The following DST variants were observed in gnomAD, a reference collection of about 807,000 sequenced individuals.
The protein encoded by DST is bullous pemphigoid antigen.
In DST, 253 loss-of-function variants were observed where a neutral mutation model predicts 875.2. The ratio of observed to expected loss-of-function variants is 0.29; its 90% CI spans 0.26 to 0.32. DST has a LOEUF of 0.32. DST is among the 10% of genes least tolerant of loss of function. DST has a pLI of 1.00. For synonymous variants in DST, 3,124 were observed against 3,197.1 expected (o/e 0.98, Z 0.77); for missense variants, 8,287 against 9,111.6 (o/e 0.91, Z 3.68).
In DST at chr6:56,611,614, C is replaced by T. The variant is rs751293562; in HGVS notation, c.5059-18G>A. 3.3e-6 allele frequency: 5 copies of T among 1,502,844 alleles called. No individual in the cohort carries two copies. The highest frequency in any genetic ancestry group is 1.4e-5 in the African/African-American group (1 of 72,396). The allele number at this position is 1,502,844 out of a possible 1,614,324, so 93.1% of individuals were successfully genotyped here. A position where few individuals can be genotyped will look rare whatever the true frequency, so the allele number is the denominator to read the frequency against. ...CTGGAAATCTGTAAGGTAAAGAAGG[C>T]ACATTCAAACTCTTCCTCCAAAAGG... is the stretch of plus-strand genomic sequence containing the variant. On this transcript the variant is annotated intron_variant, in intron 37 of 103. Coordinates refer to ENST00000680361, the MANE Select transcript of DST (RefSeq NM_001374736.1).
intron 5 of DST, among the ~76,000 whole-genome samples, chr6:56,734,209 G>A (rs531530954): frequency 3.9e-5 from 6 of 152,262 alleles, no homozygotes; most frequent in South Asian, 2.1e-4. Context: ...CAACCAGAGA[G>A]TGCGTGATGT....
rs2099576666 is a variant in DST at position 56,747,680 on chromosome 6, A to T, written c.626-12391T>A. On this transcript the variant is annotated intron_variant, in intron 4 of 103. Transcript: ENST00000680361. ...TAGACTTTTTTAAAAGGTTTTCACT[A>T]TCAGCCTTTCTTTCTAGATTCAGAG... Among the ~76,000 whole-genome samples the T allele has an allele frequency of 2.6e-5, 4 of 152,188 alleles. No individual in the cohort carries two copies. The South Asian group carries it at 6.2e-4, about 24-fold the overall frequency.
chr6:56,927,778 A>G (rs1599280), intron 2 of DST, among the ~76,000 whole-genome samples: 21,522 of 152,220 alleles, frequency 0.14, 1,838 homozygotes, highest in Middle Eastern at 0.23. Context: ...GGAAAACAGA[A>G]AGCACATTAG....
At chr6:56,631,633 T>C (rs2098781137) in intron 29 of DST, among the ~76,000 whole-genome samples, 2 of 152,220 alleles carry the variant, frequency 1.3e-5, no homozygotes, top group African/African-American at 2.4e-5. Context: ...AGGTGTATAA[T>C]GACTTTTATT....
At chr6:56,666,627 C>CA (rs1463179357) in intron 10 of DST, among the ~76,000 whole-genome samples, 2 of 150,908 alleles carry the variant, frequency 1.3e-5, no homozygotes, top group South Asian at 2.1e-4. Flanking sequence ...GATCTAGATA[C>CA]AAAAAATAAA....
chr6:56,903,621 G>A (rs1385208190), intron 2 of DST, among the ~76,000 whole-genome samples: 1 of 151,986 alleles, frequency 6.6e-6, no homozygotes, highest in Non-Finnish European at 1.5e-5. Flanking sequence ...CACCATGCCC[G>A]GCTAATTTTT....
chr6:56,827,873 T>C (rs1004296083), intron 4 of DST, among the ~76,000 whole-genome samples: 3 of 152,146 alleles, frequency 2.0e-5, no homozygotes, highest in African/African-American at 7.2e-5. Context: ...TCCCAAACTC[T>C]CAGAAACAGC....
chr6:56,560,422 G>A lies in DST; in HGVS notation c.14312C>T (p.Ser4771Leu), dbSNP rs62619760. The change falls in exon 58 of 104, where the codon TCG (serine) becomes TTG (leucine). Residue 4771 changes from serine (S) to leucine (L), a missense_variant and splice_region_variant. This residue lies in a region of DST where 1,513 missense variants were observed against 1,677.8 expected (regional missense o/e 0.90). Transcript: ENST00000680361. The stretch of plus-strand genomic sequence containing the variant: ...ATTCTGCTTCAGTTCTGCCTCAAAC[G>A]ACTAACAAGGGAAAAATAATAATAA... ...AVKTQVEQNK[S>L]FEAELKQNVN... 2,529 of 1,589,664 alleles carry A rather than the reference G, an allele frequency of 1.6e-3. 35 individuals carry two copies. In the African/African-American group the frequency reaches 0.029, roughly 18 times the overall value.
intron 10 of DST, among the ~76,000 whole-genome samples, chr6:56,657,728 T>C (rs902789719): frequency 1.3e-5 from 2 of 152,168 alleles, no homozygotes; most frequent in African/African-American, 4.8e-5. Flanking sequence ...CTGATTAAGA[T>C]GGTAAATTTT....
chr6:56,615,538 A>G, intron 36 of DST: 4 of 1,614,110 alleles, frequency 2.5e-6, no homozygotes, highest in Non-Finnish European at 3.4e-6. Flanking sequence ...AGTAGAGGCT[A>G]GAAATTCCTG....
chr6:56,748,683 T>C (rs2099579208), intron 4 of DST, among the ~76,000 whole-genome samples: 1 of 152,220 alleles, frequency 6.6e-6, no homozygotes, highest in Non-Finnish European at 1.5e-5. Context: ...TTATGGATCA[T>C]CATCCTCTTC....
Position 56,635,574 on chromosome 6 carries a change from G to C in DST, c.3186+15C>G. Reference sequence around the variant, plus strand: ...TTATGCATACTTATAAAATGCATAGGTTTTGTATTAGTACCATTGATTCCT... The same window carrying C: ...TTATGCATACTTATAAAATGCATAGCTTTTGTATTAGTACCATTGATTCCT... On this transcript the variant is annotated intron_variant, in intron 24 of 103. Transcript: ENST00000680361. 6.2e-7 allele frequency: 1 copy of C among 1,613,484 alleles called. No homozygotes were observed. The highest frequency in any genetic ancestry group is 8.5e-7 in the Non-Finnish European group (1 of 1,179,606).
At position 56,785,444 on chromosome 6, in the gene DST, G is replaced by T. The variant is rs567732652; in HGVS notation, c.626-50155C>A. ...GCGCCCCTCCGCCAGCCTCGCTGCC[G>T]CCTTGCAGTTTGATCTCAGACTGCT... On this transcript the variant is annotated intron_variant, in intron 4 of 103. Transcript: ENST00000680361. Among the ~76,000 whole-genome samples the T allele has an allele frequency of 8.5e-5, 13 of 152,246 alleles. No individual in the cohort carries two copies. The East Asian group carries it at 1.7e-3, about 20-fold the overall frequency.
chr6:56,538,486 T>C (rs2097059098), intron 61 of DST, among the ~76,000 whole-genome samples: 1 of 152,096 alleles, frequency 6.6e-6, no homozygotes, highest in Non-Finnish European at 1.5e-5. Context: ...TAAAGGCACA[T>C]ATTAAAATAG....
chr6:56,628,182 T>TA (rs1313647069), intron 32 of DST, 21 bp from the exon 33 acceptor site: 6 of 1,608,970 alleles, frequency 3.7e-6, no homozygotes, highest in Non-Finnish European at 1.7e-6. Context: ...AGTAACCGAA[T>TA]AGTCACGGTG....
chr6:56,726,394 T>C (rs1184190165), intron 5 of DST, among the ~76,000 whole-genome samples: 1 of 152,190 alleles, frequency 6.6e-6, no homozygotes, highest in African/African-American at 2.4e-5. Flanking sequence ...GAAAAGAATA[T>C]CTTAGACCTT....
chr6:56,626,240 C>T (rs537926315), intron 34 of DST, among the ~76,000 whole-genome samples: 3 of 152,194 alleles, frequency 2.0e-5, no homozygotes, highest in African/African-American at 7.2e-5. Flanking sequence ...CAGAGGTGTA[C>T]AGTAATGTCC....
chr6:56,848,386 T>C lies in DST; in HGVS notation c.625+3011A>G, dbSNP rs75211901. Among the ~76,000 whole-genome samples, 21 of 152,326 alleles carry C rather than the reference T, an allele frequency of 1.4e-4. No homozygotes were observed. The East Asian group carries it at 4.0e-3, about 29-fold the overall frequency. ...TTTTATTACTAAGTAATGACCACTA[T>C]AGACATCCTCACACCATTTCTGAAC... On this transcript the variant is annotated intron_variant, in intron 4 of 103. Coordinates refer to ENST00000680361, the MANE Select transcript of DST (RefSeq NM_001374736.1).
At chr6:56,705,092 A>T (rs753566881) in intron 5 of DST, among the ~76,000 whole-genome samples, 2 of 152,370 alleles carry the variant, frequency 1.3e-5, no homozygotes, top group Middle Eastern at 3.4e-3. Context: ...AAGATTTCCC[A>T]AAAGCTTTGT....
Sources: gnomAD v4.1 joint callset for allele counts (sites outside exome capture counted in the v4.1 genomes callset) on GRCh38, gnomAD v4.1.1 for gene constraint, gnomAD v4.1.1 regional missense constraint, MANE v1.5 for transcripts, NCBI Gene and HGNC (gene_info 2026-07-23, HGNC 2026-07-21) for gene names.